MAN2B1: variants seen among roughly 807,000 people sequenced by gnomAD.
MAN2B1 encodes mannosidase alpha class 2B member 1, also known as lysosomal alpha-mannosidase.
Under a neutral mutation model 127.5 loss-of-function variants are expected in MAN2B1, and 99 were observed. That is an observed-to-expected ratio of 0.78 (90% CI 0.66 to 0.92). MAN2B1 has a LOEUF of 0.92. Ranked by LOEUF, MAN2B1 falls within the 40% of genes least tolerant of loss-of-function variation. The pLI, the probability that MAN2B1 is intolerant of heterozygous loss-of-function variation, is 0.00. For missense variants in MAN2B1, 1,304 were observed against 1,384.8 expected, an observed-to-expected ratio of 0.94 and a Z score of 0.93; for synonymous variants, 573 against 568.8, an observed-to-expected ratio of 1.01 and a Z score of -0.11.
chr19:12,646,578 C>G lies in MAN2B1; in HGVS notation c.*42G>C, dbSNP rs149101136. 4 of 1,460,760 alleles carry G rather than the reference C, an allele frequency of 2.7e-6. No individual in the cohort carries two copies. The African/African-American group carries it at 4.2e-5, about 15-fold the overall frequency. The allele number at this position is 1,460,760 out of a possible 1,614,324, so 90.5% of individuals were successfully genotyped here. ...GGAGAGTCAGAGTCTGGTCTGCCCC[C>G]GGAGCAGGAGGCTTGGGCTTGGAGG... On this transcript the variant is annotated 3_prime_UTR_variant, in exon 24 of 24. Coordinates refer to ENST00000456935, the MANE Select transcript of MAN2B1 (RefSeq NM_000528.4).
At chr19:12,660,883 C>A (rs1204496085) in intron 7 of MAN2B1, 2 of 301,196 alleles carry the variant, frequency 6.6e-6, no homozygotes, top group Non-Finnish European at 1.3e-5. Flanking sequence ...CTCAGGCTCC[C>A]GAGTAGCTGG....
intron 14 of MAN2B1, among the ~76,000 whole-genome samples, chr19:12,654,332 G>A (rs1029363686): frequency 2.0e-5 from 3 of 152,022 alleles, no homozygotes; most frequent in South Asian, 2.1e-4. Flanking sequence ...GTGAGCCACC[G>A]CGCCCGGCCC....
At chr19:12,650,291 C>T in intron 16 of MAN2B1, 69 bp from the exon 17 acceptor site, 1 of 954,210 alleles carries the variant, frequency 1.0e-6, no homozygotes, top group Non-Finnish European at 1.7e-6. Context: ...AAATGTCCCC[C>T]AACCCTGGCC....
In MAN2B1 at chr19:12,661,276, C is replaced by A. The variant is rs1133330; in HGVS notation, c.1010G>T (p.Arg337Leu). The A allele has an allele frequency of 6.2e-7, 1 of 1,612,810 alleles. No homozygotes were observed. The highest frequency in any genetic ancestry group is 1.1e-5 in the South Asian group (1 of 91,072). The change falls in exon 7 of 24, where the codon CGG becomes CTG. Residue 337 changes from arginine (R) to leucine (L), a missense_variant. By Grantham distance (102) the Arg-to-Leu change is moderately radical. Coordinates refer to ENST00000456935, the MANE Select transcript of MAN2B1 (RefSeq NM_000528.4). ...CGCACTGACCTGCGCATTTACCAGC[C>A]GGATGAGCTTGTCAAGGTTCTTGAA... ...MWFKNLDKLI[R>L]LVNAQQAKGS...
chr19:12,655,048 C>A (rs951267396), intron 14 of MAN2B1, among the ~76,000 whole-genome samples: 1 of 152,150 alleles, frequency 6.6e-6, no homozygotes, highest in Non-Finnish European at 1.5e-5. Context: ...CTCACTGCAA[C>A]CTCGAACTCC....
In MAN2B1 at chr19:12,647,780, T is replaced by C. The variant is rs942244704; in HGVS notation, c.2665-182A>G. On this transcript the variant is annotated intron_variant, in intron 21 of 23. Coordinates refer to ENST00000456935, the MANE Select transcript of MAN2B1 (RefSeq NM_000528.4). The surrounding 1 kb of genome is among the most constrained non-coding windows in gnomAD (Gnocchi z 4.9). ...AGGGAGGACTGAGCCAATGGGGAGATGGGTCGGTCCCAAGCTTAGGGTTCG... is the reference window on the plus strand; with the variant it reads ...AGGGAGGACTGAGCCAATGGGGAGACGGGTCGGTCCCAAGCTTAGGGTTCG... The C allele has an allele frequency of 2.1e-5, 13 of 612,974 alleles. No homozygotes were observed. Among genetic ancestry groups the C allele is most frequent in the Non-Finnish European group, 3.2e-5 (11 of 348,784 alleles). 38.0% of individuals were successfully genotyped at this position (612,974 alleles called of 1,614,324 possible).
intron 20 of MAN2B1, among the ~76,000 whole-genome samples, chr19:12,648,888 G>A (rs1231109808): frequency 6.6e-6 from 1 of 152,162 alleles, no homozygotes; most frequent in African/African-American, 2.4e-5. Context: ...CCAGCTACTC[G>A]GAAGGCTGAG....
Position 12,649,139 on chromosome 19 carries a change from G to C in MAN2B1, c.2433C>G (p.Leu811=). ...GSSLRDGSLE[L]MVHRRLLKDD... ...GATGGGGCTCTGACCCACTCACCAT[G>C]AGCTCCAGCGAGCCATCTCTCAGGC... The change falls in exon 20 of 24, where the codon CTC becomes CTG. Residue 811 remains leucine, a synonymous_variant. Coordinates refer to ENST00000456935, the MANE Select transcript of MAN2B1 (RefSeq NM_000528.4). 3.7e-6 allele frequency: 6 copies of C among 1,611,926 alleles called. No individual in the cohort carries two copies. The highest frequency in any genetic ancestry group is 5.1e-6 in the Non-Finnish European group (6 of 1,179,738).
In MAN2B1 at chr19:12,665,412, G is replaced by A. The variant is rs576498138; in HGVS notation, c.376C>T (p.Arg126Cys). Residue 126 changes from arginine to cysteine, a missense_variant, in exon 3 of 24, where the codon CGT becomes TGT. By Grantham distance (180) the Arg-to-Cys change is radical. Coordinates refer to ENST00000456935, the MANE Select transcript of MAN2B1 (RefSeq NM_000528.4). ...GCATTTGTCTGCTGGTGCCACCAACGGGAGAAGAAGGCAATCTCCACGTAA... is the reference window on the plus strand; with the variant it reads ...GCATTTGTCTGCTGGTGCCACCAACAGGAGAAGAAGGCAATCTCCACGTAA... ...FIYVEIAFFS[R>C]WWHQQTNATQ... The A allele has an allele frequency of 4.3e-6, 7 of 1,613,072 alleles. No individual in the cohort carries two copies. The highest frequency in any genetic ancestry group is 3.3e-5 in the South Asian group (3 of 91,086).
Position 12,652,447 on chromosome 19 carries a change from G to A in MAN2B1, c.1844C>T (p.Thr615Met), listed in dbSNP as rs140502524. 66 of 1,613,966 alleles carry A rather than the reference G, an allele frequency of 4.1e-5. No individual in the cohort carries two copies. Among genetic ancestry groups the A allele is most frequent in the Non-Finnish European group, 5.3e-5 (62 of 1,179,930 alleles). The change falls in exon 15 of 24, where the codon ACG becomes ATG. Residue 615 changes from threonine (T) to methionine (M), a missense_variant. Coordinates refer to ENST00000456935, the MANE Select transcript of MAN2B1 (RefSeq NM_000528.4). Reference protein sequence around the residue: ...LTIENEHIRATFDPDTGLLME... With the variant: ...LTIENEHIRAMFDPDTGLLME... ...CAACAGCCCTGTGTCAGGATCAAAC[G>A]TTGCCCGGATGTGCTGGGCAGAAAA...
At position 12,649,343 on chromosome 19, in the gene MAN2B1, T is replaced by C; in HGVS notation, c.2353A>G (p.Thr785Ala). Residue 785 changes from threonine to alanine, a missense_variant and splice_region_variant, in exon 19 of 24, where the codon ACG becomes GCG. Transcript: ENST00000456935. ...GGTGCAGGATGGGGGAGAGCTACCGTGATGTAAATCCGGGTGTTGACTGGA... is the reference window on the plus strand; with the variant it reads ...GGTGCAGGATGGGGGAGAGCTACCGCGATGTAAATCCGGGTGTTGACTGGA... ...YYPVNTRIYI[T>A]DGNMQLTVLT... is the part of the protein sequence containing the mutation. 1 of 1,612,860 alleles carries C rather than the reference T, an allele frequency of 6.2e-7. No individual in the cohort carries two copies. The highest frequency in any genetic ancestry group is 8.5e-7 in the Non-Finnish European group (1 of 1,179,056).
At chr19:12,665,601 C>G (rs2024214665) in intron 2 of MAN2B1, 76 bp from the exon 3 acceptor site, 1 of 1,597,592 alleles carries the variant, frequency 6.3e-7, no homozygotes. Context: ...GAGCCCAAAC[C>G]CTGGATATTA....
At chr19:12,646,941 C>G in intron 23 of MAN2B1, 1 of 612,072 alleles carries the variant, frequency 1.6e-6, no homozygotes. Flanking sequence ...CCACTGTCCT[C>G]GTACCCTCAA....
rs2024162958 is a variant in MAN2B1, at chr19:12,663,712, G to C, written c.754C>G (p.Leu252Val). 2 of 1,610,808 alleles carry C rather than the reference G, an allele frequency of 1.2e-6. No individual in the cohort carries two copies. The highest frequency in any genetic ancestry group is 2.2e-5 in the South Asian group (2 of 90,842). Reference protein sequence around the residue: ...STSLKPPTADLFTGVLPNGYN... With the variant: ...STSLKPPTADVFTGVLPNGYN... ...TCACCAAGCCCCCTACCAGTGAAGA[G>C]GTCCGCGGTCGGGGGCTTCAGGCTG... The change falls in exon 5 of 24, where the codon CTC becomes GTC. Residue 252 changes from leucine to valine, a missense_variant. Leu to Val is a conservative substitution (Grantham distance 32). Transcript: ENST00000456935.
rs1171415698 is a variant in MAN2B1, at chr19:12,658,392, G to T, written c.1109+36C>A. On this transcript the variant is annotated intron_variant, in intron 8 of 23. Coordinates refer to ENST00000456935, the MANE Select transcript of MAN2B1 (RefSeq NM_000528.4). ...GGCAGGGTCATGACCCACGGGGCATGCCAACCCCCCCAAGCTCCCCAGTTT... is the reference window on the plus strand; with the variant it reads ...GGCAGGGTCATGACCCACGGGGCATTCCAACCCCCCCAAGCTCCCCAGTTT... The T allele has an allele frequency of 1.9e-6, 3 of 1,614,108 alleles. No homozygotes were observed. In the African/African-American group the frequency reaches 4.0e-5, roughly 22 times the overall value.
At position 12,652,168 on chromosome 19, in the gene MAN2B1, C is replaced by G. The variant is rs1290186414; in HGVS notation, c.2031G>C (p.Gln677His). 1.2e-6 allele frequency: 2 copies of G among 1,613,526 alleles called. No homozygotes were observed. Among genetic ancestry groups the G allele is most frequent in the Non-Finnish European group, 1.7e-6 (2 of 1,179,526 alleles). ...AGTCCCTGACCTTCACCAGGTGGAT[C>G]TGAGCCCAGCGGCTCACAGGCAGCG... ...QKPLPVSRWA[Q>H]IHLVKTPLVQ... The change falls in exon 16 of 24, where the codon CAG (glutamine) becomes CAC (histidine). Residue 677 changes from glutamine to histidine, a missense_variant. By Grantham distance (24) the Gln-to-His change is conservative. Coordinates refer to ENST00000456935, the MANE Select transcript of MAN2B1 (RefSeq NM_000528.4).
chr19:12,647,381 T>C lies in MAN2B1; in HGVS notation c.2821-46A>G. On this transcript the variant is annotated intron_variant, in intron 22 of 23. Coordinates refer to ENST00000456935, the MANE Select transcript of MAN2B1 (RefSeq NM_000528.4). The surrounding 1 kb of genome is among the most constrained non-coding windows in gnomAD (Gnocchi z 4.9). ...CCAGATGAGTTGGGGCAAAGCCAGG[T>C]TTCTCTTCTCTCCCTCTCTCTTGCC... is the stretch of plus-strand genomic sequence containing the variant. The C allele has an allele frequency of 1.2e-6, 2 of 1,612,000 alleles. No homozygotes were observed. The highest frequency in any genetic ancestry group is 1.1e-5 in the South Asian group (1 of 91,006).
At position 12,650,125 on chromosome 19, in the gene MAN2B1, G is replaced by A. The variant is rs955787667; in HGVS notation, c.2144C>T (p.Ser715Leu). ...PGQRHLELEW[S>L]VGPIPVGDTW... ...TCACCCCACAGGTATCGGCCCCACC[G>A]ACCACTCTAGCTCCAGGTGCCGCTG... Residue 715 changes from serine to leucine, a missense_variant, in exon 17 of 24, where the codon TCG becomes TTG. Ser to Leu is a moderately radical substitution (Grantham distance 145). Transcript: ENST00000456935. 5.6e-6 allele frequency: 9 copies of A among 1,613,892 alleles called. No homozygotes were observed. Among genetic ancestry groups the A allele is most frequent in the Middle Eastern group, 1.6e-4 (1 of 6,062 alleles).
In MAN2B1 at chr19:12,649,359, G is replaced by C; in HGVS notation, c.2337C>G (p.Asn779Lys). 2 of 1,613,556 alleles carry C rather than the reference G, an allele frequency of 1.2e-6. No homozygotes were observed. Among genetic ancestry groups the C allele is most frequent in the Non-Finnish European group, 1.7e-6 (2 of 1,179,760 alleles). The change falls in exon 19 of 24, where the codon AAC becomes AAG. Residue 779 changes from asparagine (N) to lysine (K), a missense_variant. Coordinates refer to ENST00000456935, the MANE Select transcript of MAN2B1 (RefSeq NM_000528.4). Reference protein sequence around the residue: ...EPVAGNYYPVNTRIYITDGNM... With the variant: ...EPVAGNYYPVKTRIYITDGNM... Reference sequence around the variant, plus strand: ...GAGCTACCGTGATGTAAATCCGGGTGTTGACTGGATAGTAGTTTCCTGCCA... The same window carrying C: ...GAGCTACCGTGATGTAAATCCGGGTCTTGACTGGATAGTAGTTTCCTGCCA...
Sources: allele counts gnomAD v4.1 joint callset (sites outside exome capture counted in the v4.1 genomes callset), GRCh38; gene constraint gnomAD v4.1.1; non-coding constraint Gnocchi (gnomAD v3.1); transcripts MANE v1.5; gene names NCBI Gene and HGNC (gene_info 2026-07-23, HGNC 2026-07-21).